Variants in DCAF8 observed in about 807,000 individuals in gnomAD.
DCAF8 encodes DDB1- and CUL4-associated factor 8.
DCAF8 carries 20 observed loss-of-function variants against 68.0 expected under a neutral mutation model. The observed-to-expected ratio is 0.29, with a 90% CI of 0.21 to 0.43. The LOEUF is 0.43. Ranked by LOEUF, DCAF8 falls within the 20% of genes least tolerant of loss-of-function variation. The pLI, the probability that DCAF8 is intolerant of heterozygous loss-of-function variation, is 1.00. For synonymous variants in DCAF8, 230 were observed against 276.9 expected, an observed-to-expected ratio of 0.83 and a Z score of 1.68; for missense variants, 460 against 771.0, an observed-to-expected ratio of 0.60 and a Z score of 4.78.
chr1:160,253,281 G>A (rs1401101478), intron 2 of DCAF8, among the ~76,000 whole-genome samples: 4 of 151,760 alleles, frequency 2.6e-5, no homozygotes, highest in Non-Finnish European at 4.4e-5. Flanking sequence ...CTGGAGGATC[G>A]CTTGAGTCCA....
At chr1:160,228,051 T>C (rs1321426886) in intron 7 of DCAF8, among the ~76,000 whole-genome samples, 1 of 151,454 alleles carries the variant, frequency 6.6e-6, no homozygotes, top group Non-Finnish European at 1.5e-5. Context: ...CCACCACACC[T>C]GGAGATATTT....
At chr1:160,231,617 G>T (rs1483092636) in intron 6 of DCAF8, among the ~76,000 whole-genome samples, 1 of 152,044 alleles carries the variant, frequency 6.6e-6, no homozygotes, top group Non-Finnish European at 1.5e-5. Context: ...GGGGATTGGG[G>T]AAAAAAATAT....
intron 13 of DCAF8, 179 bp from the exon 14 acceptor site, chr1:160,217,887 A>G: frequency 5.4e-6 from 3 of 555,248 alleles, no homozygotes; most frequent in Non-Finnish European, 9.5e-6. Flanking sequence ...TATTCAACTC[A>G]TTGTAGCGTG....
At chr1:160,227,038 T>C (rs1166968290) in intron 7 of DCAF8, among the ~76,000 whole-genome samples, 1 of 152,222 alleles carries the variant, frequency 6.6e-6, no homozygotes. Context: ...CAGAATATAA[T>C]GAAAACTCTA....
chr1:160,239,327 G>T, intron 4 of DCAF8: 1 of 1,227,288 alleles, frequency 8.1e-7, no homozygotes. Flanking sequence ...CCATTTTACA[G>T]ATAAACTGAA....
At chr1:160,256,711 G>C (rs1236560974) in intron 2 of DCAF8, among the ~76,000 whole-genome samples, 3 of 152,248 alleles carry the variant, frequency 2.0e-5, no homozygotes, top group Non-Finnish European at 2.9e-5. Context: ...CAATCCACTA[G>C]ACATACTATT....
At chr1:160,260,939 A>C (rs541716952) in intron 2 of DCAF8, among the ~76,000 whole-genome samples, 1 of 152,294 alleles carries the variant, frequency 6.6e-6, no homozygotes, top group Admixed American at 6.5e-5. Flanking sequence ...AACTCAGGCA[A>C]ACTAAGTTCC....
intron 2 of DCAF8, among the ~76,000 whole-genome samples, chr1:160,254,546 C>T (rs555605836): frequency 1.3e-5 from 2 of 151,932 alleles, no homozygotes; most frequent in African/African-American, 4.8e-5. Context: ...GTAATCCCCA[C>T]ACTTTAGGAG....
rs939177853 is a variant in DCAF8 at position 160,257,336 on chromosome 1, TAA to T, written c.-27+3947_-27+3948del. Among the ~76,000 whole-genome samples the T allele has an allele frequency of 6.9e-4, 105 of 152,228 alleles. 1 individual carries two copies. The highest frequency in any genetic ancestry group is 2.4e-3 in the African/African-American group (101 of 41,546). On this transcript the variant is annotated intron_variant, in intron 2 of 13. Coordinates refer to ENST00000368074, the MANE Select transcript of DCAF8 (RefSeq NM_015726.4). The stretch of plus-strand genomic sequence containing the variant: ...TAACTCTAACACCAATGTTATGCAA[TAA>T]AAAGTCTGGTTTGGATACCGTTATT...
chr1:160,245,540 T>A (rs112327682), intron 2 of DCAF8, among the ~76,000 whole-genome samples: 3 of 152,172 alleles, frequency 2.0e-5, no homozygotes. Flanking sequence ...AGATTGTTCA[T>A]AATAGGCCAA....
At chr1:160,218,223 A>G (rs1191977242) in intron 13 of DCAF8, 101 bp downstream of exon 13, 2 of 880,382 alleles carry the variant, frequency 2.3e-6, no homozygotes, top group Non-Finnish European at 3.8e-6. Flanking sequence ...AGGAAATCCG[A>G]CCAAGATCAC....
chr1:160,233,893 G>GA (rs1391984486), intron 6 of DCAF8, among the ~76,000 whole-genome samples: 1 of 151,958 alleles, frequency 6.6e-6, no homozygotes, highest in Non-Finnish European at 1.5e-5. Flanking sequence ...GCAATAGGAG[G>GA]AAAAAATGTT....
At chr1:160,236,651 A>C (rs1460238659) in intron 6 of DCAF8, among the ~76,000 whole-genome samples, 4 of 152,210 alleles carry the variant, frequency 2.6e-5, no homozygotes. Context: ...CACAGTTAAA[A>C]AGGAATAAAA....
chr1:160,231,132 G>A (rs1287992007), intron 7 of DCAF8, among the ~76,000 whole-genome samples, 165 bp downstream of exon 7: 2 of 152,104 alleles, frequency 1.3e-5, no homozygotes, highest in Non-Finnish European at 2.9e-5. Flanking sequence ...TTAGAGAACA[G>A]AACATCTCCA....
At chr1:160,243,255 T>C (rs1656187144) in intron 3 of DCAF8, among the ~76,000 whole-genome samples, 1 of 151,958 alleles carries the variant, frequency 6.6e-6, no homozygotes, top group African/African-American at 2.4e-5. Context: ...ATTTGACACT[T>C]GGCAGCACTG....
At chr1:160,238,801 C>T in intron 4 of DCAF8, 54 bp from the exon 5 acceptor site, 1 of 1,512,078 alleles carries the variant, frequency 6.6e-7, no homozygotes, top group Non-Finnish European at 8.9e-7. Flanking sequence ...GAGAGGTAAA[C>T]TTGAGAATAA....
chr1:160,249,800 C>T (rs1421518492), intron 2 of DCAF8, among the ~76,000 whole-genome samples: 2 of 152,184 alleles, frequency 1.3e-5, no homozygotes, highest in Non-Finnish European at 2.9e-5. Flanking sequence ...CAATGGGATA[C>T]TACTGAGTAA....
chr1:160,228,514 T>A (rs921592922), intron 7 of DCAF8, among the ~76,000 whole-genome samples: 9 of 152,118 alleles, frequency 5.9e-5, no homozygotes, highest in African/African-American at 2.2e-4. Context: ...ATTCTCTTTT[T>A]CTTTACCCCT....
intron 11 of DCAF8, among the ~76,000 whole-genome samples, chr1:160,221,982 C>T (rs1413364883): frequency 6.6e-6 from 1 of 152,176 alleles, no homozygotes; most frequent in Non-Finnish European, 1.5e-5. Context: ...ATGGGTTATA[C>T]AGCAAGCAGA....
Sources: allele counts gnomAD v4.1 joint callset (sites outside exome capture counted in the v4.1 genomes callset), GRCh38; gene constraint gnomAD v4.1.1; transcripts MANE v1.5; gene names NCBI Gene and HGNC (gene_info 2026-07-23, HGNC 2026-07-21).